Variants in PLEKHA7 observed in about 807,000 individuals in gnomAD.
PLEKHA7 encodes pleckstrin homology domain containing A7.
Under a neutral mutation model 170.0 loss-of-function variants are expected in PLEKHA7, and 104 were observed. That is an observed-to-expected ratio of 0.61 (90% CI 0.52 to 0.72). The LOEUF (loss-of-function observed/expected upper bound fraction) is 0.72, where lower values mean the gene tolerates loss of function less well. PLEKHA7 is among the 30% of genes least tolerant of loss of function. PLEKHA7 has a pLI of 0.00. For synonymous variants in PLEKHA7, 648 were observed against 660.8 expected (o/e 0.98, Z 0.30); for missense variants, 1,615 against 1,671.7 (o/e 0.97, Z 0.59).
At position 17,014,019 on chromosome 11, in the gene PLEKHA7, A is replaced by AC. The variant is rs1273701098; in HGVS notation, c.190_191insG (p.Phe64CysfsTer13). 6.4e-7 allele frequency: 1 copy of AC among 1,551,386 alleles called. No individual in the cohort carries two copies. Among genetic ancestry groups the AC allele is most frequent in the Admixed American group, 1.9e-5 (1 of 51,416 alleles). ...GAAGTAGCTGGCGCCCTCCTCCGTG[A>AC]AGCCCTCCTCCCAGCCGCGGGGCAG... On this transcript the variant is annotated frameshift_variant, in exon 3 of 27. Transcript: ENST00000531066. LOFTEE classifies it high-confidence loss of function.
chr11:16,816,658 C>T, intron 11 of PLEKHA7, 142 bp downstream of exon 11: 1 of 1,029,912 alleles, frequency 9.7e-7, no homozygotes, highest in South Asian at 1.6e-5. Flanking sequence ...GGAACTGTGC[C>T]TGGCATCTAT....
intron 24 of PLEKHA7, 94 bp downstream of exon 24, chr11:16,786,135 G>T: frequency 7.0e-7 from 1 of 1,428,324 alleles, no homozygotes; most frequent in Non-Finnish European, 9.4e-7. Flanking sequence ...CCATGTCCCT[G>T]TTCAGGATGA....
intron 17 of PLEKHA7, 34 bp downstream of exon 17, chr11:16,800,938 CAA>C: frequency 6.4e-7 from 1 of 1,565,548 alleles, no homozygotes; most frequent in Non-Finnish European, 8.8e-7. Context: ...AAACAAAAAA[CAA>C]GAGCTCAGAA....
intron 3 of PLEKHA7, among the ~76,000 whole-genome samples, chr11:16,999,709 T>A (rs1485860707): frequency 6.6e-6 from 1 of 152,216 alleles, no homozygotes; most frequent in South Asian, 2.1e-4. Context: ...ATGTGCTGAA[T>A]AGCATGGTAG....
chr11:16,892,833 C>G (rs1032745085), intron 3 of PLEKHA7, among the ~76,000 whole-genome samples: 9 of 152,050 alleles, frequency 5.9e-5, no homozygotes, highest in African/African-American at 2.2e-4. Flanking sequence ...ATTTAATAAA[C>G]AACATCCATT....
chr11:17,013,941 C>T lies in PLEKHA7; in HGVS notation c.221+48G>A, dbSNP rs532618168. On this transcript the variant is annotated intron_variant, in intron 3 of 26. Transcript: ENST00000531066. ...GGCGCCCGGCGGGAACGGGGAGGGACCCCCCCCCCGCGGCACAGGTGCGAG... is the reference window on the plus strand; with the variant it reads ...GGCGCCCGGCGGGAACGGGGAGGGATCCCCCCCCCGCGGCACAGGTGCGAG... 39 of 1,005,930 alleles carry T rather than the reference C, an allele frequency of 3.9e-5. No homozygotes were observed. The South Asian group carries it at 6.8e-4, about 17-fold the overall frequency. The allele number at this position is 1,005,930 out of a possible 1,614,324, so 62.3% of individuals were successfully genotyped here. A position where few individuals can be genotyped will look rare whatever the true frequency, so the allele number is the denominator to read the frequency against.
intron 26 of PLEKHA7, among the ~76,000 whole-genome samples, chr11:16,779,788 C>T (rs1754768243): frequency 6.6e-6 from 1 of 152,212 alleles, no homozygotes; most frequent in South Asian, 2.1e-4. Context: ...TACTCTCTCC[C>T]TCCTTTCACT....
chr11:16,902,469 G>A (rs982526770), intron 3 of PLEKHA7, among the ~76,000 whole-genome samples: 1 of 152,206 alleles, frequency 6.6e-6, no homozygotes, highest in Non-Finnish European at 1.5e-5. Context: ...CAGTGCATCA[G>A]TGTTCCCACT....
At chr11:16,909,595 T>C (rs181003773) in intron 3 of PLEKHA7, among the ~76,000 whole-genome samples, 14 of 152,294 alleles carry the variant, frequency 9.2e-5, no homozygotes, top group African/African-American at 3.1e-4. Context: ...CTGGAGAGCC[T>C]GGGCCACACT....
At chr11:16,832,264 C>T (rs1234827537) in intron 9 of PLEKHA7, among the ~76,000 whole-genome samples, 1 of 152,172 alleles carries the variant, frequency 6.6e-6, no homozygotes, top group African/African-American at 2.4e-5. Context: ...ATTATGCCAC[C>T]TTAAATTGGG....
At chr11:16,998,281 AC>A (rs767510117) in intron 3 of PLEKHA7, among the ~76,000 whole-genome samples, 27 of 151,930 alleles carry the variant, frequency 1.8e-4, no homozygotes, top group Non-Finnish European at 3.2e-4. Flanking sequence ...ACTGAGCAAA[AC>A]CCAACACGAA....
chr11:16,957,702 T>TTTTTTTTTTTTTC (rs1861790333), intron 3 of PLEKHA7, among the ~76,000 whole-genome samples: 1 of 134,884 alleles, frequency 7.4e-6, no homozygotes, highest in African/African-American at 2.8e-5. Flanking sequence ...TTTTTCTTTT[T>TTTTTTTTTTTTTC]TTTTTTTTTT....
chr11:16,865,143 C>T (rs1227051022), intron 4 of PLEKHA7, among the ~76,000 whole-genome samples: 1 of 152,210 alleles, frequency 6.6e-6, no homozygotes, highest in South Asian at 2.1e-4. Flanking sequence ...GTGTTTGGAG[C>T]TTGGCATGCC....
chr11:16,892,404 T>TG, intron 3 of PLEKHA7, among the ~76,000 whole-genome samples: 1 of 96,982 alleles, frequency 1.0e-5, no homozygotes, highest in Non-Finnish European at 2.5e-5. Context: ...GGTTGTTTTA[T>TG]TTTGTGTGTG....
At chr11:16,879,411 C>T (rs1362072992) in intron 3 of PLEKHA7, among the ~76,000 whole-genome samples, 9 of 152,202 alleles carry the variant, frequency 5.9e-5, no homozygotes, top group Non-Finnish European at 1.0e-4. Context: ...CTGATTTCAG[C>T]AGCACCATGC....
At chr11:16,913,276 C>G (rs1858387162) in intron 3 of PLEKHA7, among the ~76,000 whole-genome samples, 1 of 152,128 alleles carries the variant, frequency 6.6e-6, no homozygotes, top group Non-Finnish European at 1.5e-5. Context: ...TCTGATAGAC[C>G]CACAGCATCC....
chr11:16,846,809 C>T (rs79491322), intron 8 of PLEKHA7, among the ~76,000 whole-genome samples: 3,412 of 152,276 alleles, frequency 0.022, 134 homozygotes, highest in African/African-American at 0.078. Flanking sequence ...TCACTGGCCA[C>T]GATTCCAATT....
intron 3 of PLEKHA7, among the ~76,000 whole-genome samples, chr11:16,920,045 CCT>C (rs1858976016): frequency 6.6e-6 from 1 of 152,152 alleles, no homozygotes; most frequent in Non-Finnish European, 1.5e-5. Context: ...GGCAAACTAA[CCT>C]CTGAGTTTCT....
intron 3 of PLEKHA7, among the ~76,000 whole-genome samples, chr11:16,907,692 G>T (rs1308827602): frequency 7.6e-6 from 1 of 131,646 alleles, no homozygotes; most frequent in Admixed American, 7.3e-5. Flanking sequence ...GGTGAGGGGC[G>T]CCTCTGCCCG....
Sources: gnomAD v4.1 joint callset for allele counts (sites outside exome capture counted in the v4.1 genomes callset) on GRCh38, gnomAD v4.1.1 for gene constraint, MANE v1.5 for transcripts, NCBI Gene and HGNC (gene_info 2026-07-23, HGNC 2026-07-21) for gene names.